DIP2C: variants seen among roughly 807,000 people sequenced by gnomAD.
DIP2C encodes the protein DIP2 acetate--CoA ligase C (putative), also known as disco-interacting protein 2 homolog C.
DIP2C carries 33 observed loss-of-function variants against 192.4 expected under a neutral mutation model. The observed-to-expected ratio is 0.17, with a 90% confidence interval of 0.13 to 0.23. The LOEUF (loss-of-function observed/expected upper bound fraction) is 0.23. DIP2C is among the 10% of genes least tolerant of loss of function. The pLI, the probability that DIP2C is intolerant of heterozygous loss-of-function variation, is 1.00. For missense variants in DIP2C, 1,537 were observed against 2,110.1 expected (o/e 0.73, Z 5.32); for synonymous variants, 979 against 864.1 (o/e 1.13, Z -2.33).
chr10:619,533 G>GCCCACCCTCCCA (rs1172584696), intron 1 of DIP2C, among the ~76,000 whole-genome samples: 438 of 38,822 alleles, frequency 0.011, 6 homozygotes, highest in African/African-American at 0.036. Flanking sequence ...GACCAAGCCC[G>GCCCACCCTCCCA]CCCGCCCGCC....
rs537937409 is a variant in DIP2C at position 367,479 on chromosome 10, G to A, written c.2132-1068C>T. Among the ~76,000 whole-genome samples, 4 of 152,168 alleles carry A rather than the reference G, an allele frequency of 2.6e-5. No homozygotes were observed. In the South Asian group the frequency reaches 8.3e-4, roughly 32 times the overall value. Reference sequence around the variant, plus strand: ...GAAAGATTCTTCACCCATCAGATTGGTAAAAACAAAAGTCAGGTAACACGG... The same window carrying A: ...GAAAGATTCTTCACCCATCAGATTGATAAAAACAAAAGTCAGGTAACACGG... On this transcript the variant is annotated intron_variant, in intron 18 of 36. Transcript: ENST00000280886.
Position 392,704 on chromosome 10 carries a change from G to A in DIP2C, c.1261-1841C>T, listed in dbSNP as rs543249412. ...CCAGTGGAGTCTTCAACACACATACGTGCCCAGGTACACACGCGCCCAGGT... is the reference window on the plus strand; with the variant it reads ...CCAGTGGAGTCTTCAACACACATACATGCCCAGGTACACACGCGCCCAGGT... On this transcript the variant is annotated intron_variant, in intron 10 of 36. Transcript: ENST00000280886. Among the ~76,000 whole-genome samples the A allele has an allele frequency of 7.2e-5, 11 of 151,812 alleles. No homozygotes were observed. The East Asian group carries it at 7.8e-4, about 11-fold the overall frequency.
rs1954487153 is a variant in DIP2C, at chr10:275,861, G to T, written c.*1464C>A. 6.6e-6 allele frequency: 1 copy of T among 152,250 alleles called. No homozygotes were observed. The highest frequency in any genetic ancestry group is 1.5e-5 in the Non-Finnish European group (1 of 68,066). The allele number at this position is 152,250 out of a possible 1,614,324, so 9.4% of individuals were successfully genotyped here. ...AAACGACGCAGCTGGAGGACTTCTT[G>T]CTTCAGCCGGAGCTCTGGCATGAAC... On this transcript the variant is annotated 3_prime_UTR_variant, in exon 37 of 37. Coordinates refer to ENST00000280886, the MANE Select transcript of DIP2C (RefSeq NM_014974.3).
chr10:505,464 C>A (rs113739482), intron 1 of DIP2C, among the ~76,000 whole-genome samples: 27 of 152,330 alleles, frequency 1.8e-4, no homozygotes, highest in Non-Finnish European at 3.8e-4. Flanking sequence ...CTGAGGCTCT[C>A]GACTGATCCC....
Position 392,862 on chromosome 10 carries a change from CACAG to C in DIP2C, c.1261-2003_1261-2000del, listed in dbSNP as rs553392443. 3.7e-3 allele frequency among the ~76,000 whole-genome samples: 551 copies of C among 149,474 alleles called. 1 individual carries two copies. Among genetic ancestry groups the C allele is most frequent in the Non-Finnish European group, 6.1e-3 (415 of 67,542 alleles). On this transcript the variant is annotated intron_variant, in intron 10 of 36. Coordinates refer to ENST00000280886, the MANE Select transcript of DIP2C (RefSeq NM_014974.3). ...CGCACACACACGTCCCCACACAATA[CACAG>C]ACACTCAACACTCACACACACGTGC...
intron 7 of DIP2C, among the ~76,000 whole-genome samples, chr10:414,739 GTACATATATATATATATAA>G (rs1965464646): frequency 9.5e-4 from 86 of 90,444 alleles, no homozygotes; most frequent in East Asian, 1.7e-3. Flanking sequence ...GTGTGTGTGT[GTACATATATATATATATAA>G]TGTGTATATA....
intron 1 of DIP2C, among the ~76,000 whole-genome samples, chr10:620,710 C>T (rs995147907): frequency 6.6e-6 from 1 of 152,188 alleles, no homozygotes; most frequent in Non-Finnish European, 1.5e-5. Context: ...GCCACTGTCT[C>T]CTCCTGTGTC....
At chr10:424,315 GCAA>G (rs1173919428) in intron 4 of DIP2C, among the ~76,000 whole-genome samples, 3 of 146,338 alleles carry the variant, frequency 2.1e-5, no homozygotes, top group African/African-American at 5.0e-5. Context: ...TGTTAGAAAA[GCAA>G]CAATGTTAAG....
chr10:471,914 G>C (rs1032480057), intron 3 of DIP2C, among the ~76,000 whole-genome samples: 1 of 152,100 alleles, frequency 6.6e-6, no homozygotes, highest in Non-Finnish European at 1.5e-5. Flanking sequence ...CACCACGCCC[G>C]ACAGCCTAAG....
intron 1 of DIP2C, among the ~76,000 whole-genome samples, chr10:613,034 G>A (rs1853208209): frequency 6.6e-6 from 1 of 152,164 alleles, no homozygotes; most frequent in African/African-American, 2.4e-5. Context: ...TTCAAGCAGA[G>A]CATCCCACAC....
chr10:685,890 G>A lies in DIP2C; in HGVS notation c.85+3604C>T, dbSNP rs547956313. ...GCATGAGAACCACTTGAACTCAGGAGGCGGAGGTTGCAGTGAGTTGAGCTC... is the reference window on the plus strand; with the variant it reads ...GCATGAGAACCACTTGAACTCAGGAAGCGGAGGTTGCAGTGAGTTGAGCTC... On this transcript the variant is annotated intron_variant, in intron 1 of 36. Coordinates refer to ENST00000280886, the MANE Select transcript of DIP2C (RefSeq NM_014974.3). Among the ~76,000 whole-genome samples the A allele has an allele frequency of 5.8e-4, 89 of 152,248 alleles. 1 individual carries two copies. In the Middle Eastern group the frequency reaches 0.01, roughly 17 times the overall value.
At chr10:434,010 T>C (rs986948629) in intron 4 of DIP2C, among the ~76,000 whole-genome samples, 1 of 152,144 alleles carries the variant, frequency 6.6e-6, no homozygotes, top group Non-Finnish European at 1.5e-5. Context: ...CAATATAAAT[T>C]CACAAGTAAC....
Position 552,937 on chromosome 10 carries a change from C to T in DIP2C, c.86-66407G>A, listed in dbSNP as rs146373157. On this transcript the variant is annotated intron_variant, in intron 1 of 36. Coordinates refer to ENST00000280886, the MANE Select transcript of DIP2C (RefSeq NM_014974.3). The stretch of plus-strand genomic sequence containing the variant: ...GCTTGGGAAAAGCTCATTGTGGAGG[C>T]CCAGAAGGCCGAGCCTTTGCTCAGC... 1.8e-4 allele frequency among the ~76,000 whole-genome samples: 27 copies of T among 152,376 alleles called. No individual in the cohort carries two copies. The East Asian group carries it at 4.8e-3, about 27-fold the overall frequency.
intron 10 of DIP2C, among the ~76,000 whole-genome samples, chr10:392,173 C>T (rs1006611401): frequency 6.6e-6 from 1 of 152,144 alleles, no homozygotes; most frequent in South Asian, 2.1e-4. Context: ...CATTAGCAAA[C>T]GTCCCGACTC....
chr10:492,064 G>A (rs1399329427), intron 1 of DIP2C, among the ~76,000 whole-genome samples: 2 of 152,194 alleles, frequency 1.3e-5, no homozygotes, highest in Non-Finnish European at 2.9e-5. Context: ...TCAAAATCCT[G>A]ACCCCTGAGA....
intron 1 of DIP2C, among the ~76,000 whole-genome samples, chr10:570,943 G>A (rs550689813): frequency 7.2e-4 from 109 of 152,326 alleles, no homozygotes; most frequent in Non-Finnish European, 1.2e-3. Flanking sequence ...CTCAACAGAC[G>A]TTATTCTTCC....
chr10:508,565 C>T (rs1315033137), intron 1 of DIP2C, among the ~76,000 whole-genome samples: 2 of 152,158 alleles, frequency 1.3e-5, no homozygotes, highest in African/African-American at 2.4e-5. Context: ...CTAAGCTCTT[C>T]GCAGCAAAGA....
intron 1 of DIP2C, among the ~76,000 whole-genome samples, chr10:583,685 C>T (rs1366449040): frequency 2.0e-5 from 3 of 152,250 alleles, no homozygotes; most frequent in East Asian, 1.9e-4. Context: ...GCTCAACAGC[C>T]GGAAGCAGTT....
chr10:630,221 G>A (rs544181871), intron 1 of DIP2C: 1 of 152,092 alleles, frequency 6.6e-6, no homozygotes, highest in East Asian at 1.9e-4. Flanking sequence ...TTTCTTTTCT[G>A]GTCTGTTCTG....
Sources: gnomAD v4.1 joint callset for allele counts (sites outside exome capture counted in the v4.1 genomes callset) on GRCh38, gnomAD v4.1.1 for gene constraint, MANE v1.5 for transcripts, NCBI Gene and HGNC (gene_info 2026-07-23, HGNC 2026-07-21) for gene names.